Variants in CEP112 observed in about 807,000 individuals in gnomAD.
CEP112 encodes the protein centrosomal protein 112.
In CEP112, 127 loss-of-function variants were observed where a neutral mutation model predicts 153.0. The ratio of observed to expected loss-of-function variants is 0.83; its 90% CI spans 0.72 to 0.96. The LOEUF is 0.96. Ranked by LOEUF, CEP112 falls within the 40% of genes least tolerant of loss-of-function variation. CEP112 has a pLI of 0.00. For missense variants in CEP112, 1,089 were observed against 1,101.2 expected (o/e 0.99, Z 0.16); for synonymous variants, 358 against 374.4 (o/e 0.96, Z 0.51).
chr17:66,014,826 C>T (rs77669640), intron 16 of CEP112, among the ~76,000 whole-genome samples: 4 of 152,150 alleles, frequency 2.6e-5, no homozygotes, highest in East Asian at 3.9e-4. Context: ...CTCTGAAGAT[C>T]GACTTGGAAT....
At chr17:65,950,216 T>G (rs2061777162) in intron 18 of CEP112, among the ~76,000 whole-genome samples, 1 of 152,164 alleles carries the variant, frequency 6.6e-6, no homozygotes, top group African/African-American at 2.4e-5. Flanking sequence ...TTAATTTTTT[T>G]TAAACTTTAC....
At chr17:65,875,745 A>G (rs1384851616) in intron 20 of CEP112, among the ~76,000 whole-genome samples, 5 of 152,268 alleles carry the variant, frequency 3.3e-5, no homozygotes, top group African/African-American at 1.2e-4. Context: ...CATTTGGCCT[A>G]TTCATTCTCA....
chr17:65,779,728 C>G (rs957166376), intron 21 of CEP112, among the ~76,000 whole-genome samples: 1 of 152,082 alleles, frequency 6.6e-6, no homozygotes, highest in Non-Finnish European at 1.5e-5. Flanking sequence ...TACAAGTGCT[C>G]AGGTTTTTGT....
Position 65,792,843 on chromosome 17 carries a change from TA to T in CEP112, c.2395-42120del, listed in dbSNP as rs548619014. On this transcript the variant is annotated intron_variant, in intron 21 of 26. Transcript: ENST00000535342. Reference sequence around the variant, plus strand: ...CTGATATGTTTTAGTAGTGGGTATTTAAAAAAAATATTTCATGGAGGAAATT... The same window carrying T: ...CTGATATGTTTTAGTAGTGGGTATTTAAAAAAATATTTCATGGAGGAAATT... Among the ~76,000 whole-genome samples, 476 of 152,154 alleles carry T rather than the reference TA, an allele frequency of 3.1e-3. 3 individuals carry two copies. The highest frequency in any genetic ancestry group is 0.011 in the African/African-American group (443 of 41,522).
At chr17:66,121,523 G>A (rs1013717493) in intron 6 of CEP112, among the ~76,000 whole-genome samples, 8 of 152,086 alleles carry the variant, frequency 5.3e-5, no homozygotes, top group Non-Finnish European at 8.8e-5. Context: ...TTTCCGTGAG[G>A]CAATGTTCAT....
intron 21 of CEP112, among the ~76,000 whole-genome samples, chr17:65,767,199 A>G (rs1053565837): frequency 2.6e-5 from 4 of 152,160 alleles, no homozygotes; most frequent in African/African-American, 7.2e-5. Flanking sequence ...TTCTGGCCAC[A>G]ATGGTATAAA....
intron 5 of CEP112, among the ~76,000 whole-genome samples, chr17:66,132,154 G>A (rs1241500865): frequency 9.8e-6 from 1 of 101,656 alleles, no homozygotes; most frequent in Non-Finnish European, 1.8e-5. Context: ...CTGGGCAACA[G>A]TGAGACTCCA....
chr17:65,849,035 T>G (rs567230088), intron 21 of CEP112, among the ~76,000 whole-genome samples: 2 of 152,124 alleles, frequency 1.3e-5, no homozygotes, highest in Non-Finnish European at 2.9e-5. Flanking sequence ...CCCAAAACCT[T>G]TGGCAACTCC....
intron 16 of CEP112, among the ~76,000 whole-genome samples, chr17:66,006,326 G>T (rs556539834): frequency 1.3e-5 from 2 of 152,014 alleles, no homozygotes; most frequent in East Asian, 3.9e-4. Flanking sequence ...ATTTGTCTTC[G>T]GCTGGGCACG....
At chr17:65,889,701 C>T (rs942456512) in intron 20 of CEP112, among the ~76,000 whole-genome samples, 2 of 152,004 alleles carry the variant, frequency 1.3e-5, no homozygotes, top group African/African-American at 4.8e-5. Context: ...GAGAGCTGTC[C>T]TTTGAAGTCA....
chr17:65,855,635 T>TA (rs2058097809), intron 20 of CEP112, among the ~76,000 whole-genome samples: 1 of 152,174 alleles, frequency 6.6e-6, no homozygotes, highest in Admixed American at 6.5e-5. Context: ...GGATATCTGA[T>TA]AGTCCCAGGG....
At chr17:65,647,066 T>C (rs1319428265) in intron 24 of CEP112, among the ~76,000 whole-genome samples, 1 of 152,082 alleles carries the variant, frequency 6.6e-6, no homozygotes, top group Non-Finnish European at 1.5e-5. Context: ...GAAGCACATA[T>C]TCAAAAATCC....
intron 21 of CEP112, among the ~76,000 whole-genome samples, chr17:65,805,490 T>A (rs1460956892): frequency 2.0e-5 from 3 of 152,216 alleles, no homozygotes; most frequent in Admixed American, 6.5e-5. Context: ...TTTTATGTGG[T>A]ATCAAAACAT....
chr17:66,189,555 T>C (rs944975654), intron 1 of CEP112, among the ~76,000 whole-genome samples: 5 of 150,980 alleles, frequency 3.3e-5, no homozygotes, highest in East Asian at 1.9e-4. Context: ...GGAATTGCTA[T>C]ATTGACATGC....
At chr17:65,795,657 C>T (rs968457293) in intron 21 of CEP112, among the ~76,000 whole-genome samples, 1 of 151,764 alleles carries the variant, frequency 6.6e-6, no homozygotes, top group African/African-American at 2.4e-5. Flanking sequence ...ACCAAAAGTA[C>T]AAAAATTAGC....
intron 6 of CEP112, 77 bp from the exon 7 acceptor site, chr17:66,096,709 T>C: frequency 1.1e-6 from 1 of 898,412 alleles, no homozygotes; most frequent in Non-Finnish European, 1.7e-6. Context: ...AAATATAGAA[T>C]TAAGCTGCCA....
At chr17:65,888,075 G>T (rs1170053848) in intron 20 of CEP112, among the ~76,000 whole-genome samples, 1 of 151,930 alleles carries the variant, frequency 6.6e-6, no homozygotes, top group African/African-American at 2.4e-5. Flanking sequence ...TTATCTTCCG[G>T]CAATATCACT....
chr17:65,726,091 A>C (rs948270545), intron 23 of CEP112, among the ~76,000 whole-genome samples: 1 of 152,190 alleles, frequency 6.6e-6, no homozygotes, highest in African/African-American at 2.4e-5. Flanking sequence ...ATGGTGGCTT[A>C]GCACTTTGGG....
chr17:65,670,065 G>T (rs1003259481), intron 24 of CEP112, among the ~76,000 whole-genome samples: 5 of 152,172 alleles, frequency 3.3e-5, no homozygotes, highest in Non-Finnish European at 7.4e-5. Flanking sequence ...GCACATAGTA[G>T]GTGCTGAATA....
Sources: gnomAD v4.1 joint callset for allele counts (sites outside exome capture counted in the v4.1 genomes callset) on GRCh38, gnomAD v4.1.1 for gene constraint, MANE v1.5 for transcripts, NCBI Gene and HGNC (gene_info 2026-07-23, HGNC 2026-07-21) for gene names.